KLHDC4: variants seen among roughly 807,000 people sequenced by gnomAD.
KLHDC4 encodes the protein kelch domain containing 4.
Under a neutral mutation model 62.4 loss-of-function variants are expected in KLHDC4, and 90 were observed. That is an observed-to-expected ratio of 1.44 (90% confidence interval 1.22 to 1.72). The LOEUF is 1.72. Among genes scored for constraint, KLHDC4 ranks in the 40% most tolerant of loss-of-function variants. The pLI is 0.00. For synonymous variants in KLHDC4, 386 were observed against 284.4 expected (o/e 1.36, Z -3.59); for missense variants, 1,025 against 699.7 (o/e 1.47, Z -5.25).
chr16:87,733,846 ACT>A (rs988038129), intron 5 of KLHDC4, among the ~76,000 whole-genome samples: 4 of 151,642 alleles, frequency 2.6e-5, no homozygotes, highest in African/African-American at 9.7e-5. Flanking sequence ...TTTCACACCC[ACT>A]CTCTGCCTGG....
intron 5 of KLHDC4, among the ~76,000 whole-genome samples, chr16:87,731,675 CTT>C (rs1427172207): frequency 6.6e-6 from 1 of 151,972 alleles, no homozygotes; most frequent in Non-Finnish European, 1.5e-5. Context: ...GAAACATAAA[CTT>C]AGCGCACAGC....
intron 1 of KLHDC4, chr16:87,764,942 G>C: frequency 2.8e-6 from 1 of 357,626 alleles, no homozygotes; most frequent in East Asian, 7.4e-5. Flanking sequence ...GAAGAAAAGG[G>C]ACAAAGGACT....
chr16:87,760,844 C>A (rs1207770999), intron 2 of KLHDC4, among the ~76,000 whole-genome samples: 3 of 152,016 alleles, frequency 2.0e-5, no homozygotes, highest in African/African-American at 7.2e-5. Flanking sequence ...ACCAGCCAGG[C>A]CAACATGGCA....
At chr16:87,719,427 G>T (rs2037800958) in intron 7 of KLHDC4, among the ~76,000 whole-genome samples, 1 of 152,072 alleles carries the variant, frequency 6.6e-6, no homozygotes. Flanking sequence ...ATGGATTAAG[G>T]GCGGTGCAAG....
At chr16:87,761,737 G>A (rs1035287995) in intron 2 of KLHDC4, among the ~76,000 whole-genome samples, 1 of 152,208 alleles carries the variant, frequency 6.6e-6, no homozygotes. Context: ...CCCAGAGGCA[G>A]CAGCTGTGCT....
intron 5 of KLHDC4, among the ~76,000 whole-genome samples, chr16:87,743,717 G>C (rs1442648763): frequency 6.6e-6 from 1 of 152,006 alleles, no homozygotes; most frequent in African/African-American, 2.4e-5. Context: ...TCCAGCCTGG[G>C]AGACAGAGCG....
exon 1 of KLHDC4, chr16:87,700,606 G>T: frequency 5.0e-6 from 1 of 199,644 alleles, no homozygotes; most frequent in Non-Finnish European, 1.0e-5. Context: ...AAGAGGTGGA[G>T]GGAGGAAACA....
At chr16:87,741,364 G>A (rs879945195) in intron 5 of KLHDC4, among the ~76,000 whole-genome samples, 4 of 152,210 alleles carry the variant, frequency 2.6e-5, no homozygotes, top group Admixed American at 2.0e-4. Context: ...AGGTGAGGGG[G>A]CCAGCAGGCA....
Position 87,709,490 on chromosome 16 carries a change from C to T in KLHDC4, c.1222G>A (p.Ala408Thr). ...IKQVLTAPGS[A>T]GQPRSEDEDS... ...TCGTCCTCAGACCGGGGCTGCCCCG[C>T]CGAGCCTGGCGCGGTGAGCACCTGC... The change falls in exon 10 of 12, where the codon GCG becomes ACG. Residue 408 changes from alanine to threonine, a missense_variant. By Grantham distance (58) the Ala-to-Thr change is moderately conservative. Coordinates refer to ENST00000270583, the MANE Select transcript of KLHDC4 (RefSeq NM_017566.4). 1.2e-6 allele frequency: 2 copies of T among 1,611,886 alleles called. No individual in the cohort carries two copies. The highest frequency in any genetic ancestry group is 1.3e-5 in the African/African-American group (1 of 75,052).
intron 2 of KLHDC4, 94 bp downstream of exon 2, chr16:87,761,855 C>T: frequency 1.7e-6 from 2 of 1,160,918 alleles, no homozygotes; most frequent in South Asian, 1.3e-5. Context: ...GTCCCAAGTG[C>T]CTGGTCATTT....
At chr16:87,722,694 C>T (rs371098979) in intron 7 of KLHDC4, among the ~76,000 whole-genome samples, 3 of 152,196 alleles carry the variant, frequency 2.0e-5, no homozygotes, top group African/African-American at 4.8e-5. Context: ...AAACTGGGGC[C>T]GCCCTGCTGA....
intron 7 of KLHDC4, among the ~76,000 whole-genome samples, chr16:87,719,951 A>C (rs1455684855): frequency 6.6e-6 from 1 of 152,160 alleles, no homozygotes; most frequent in Non-Finnish European, 1.5e-5. Context: ...CACCTCCCGC[A>C]CAATGTAGTA....
Position 87,760,936 on chromosome 16 carries a change from G to A in KLHDC4, c.191+1013C>T, listed in dbSNP as rs376201286. Among the ~76,000 whole-genome samples, 90 of 152,088 alleles carry A rather than the reference G, an allele frequency of 5.9e-4. 1 individual carries two copies. In the South Asian group the frequency reaches 0.018, roughly 31 times the overall value. ...TAATCCCAGCTACTTGGAAGGCTGAGGCAGGAGAATCACTTGAACCTGGGA... is the reference window on the plus strand; with the variant it reads ...TAATCCCAGCTACTTGGAAGGCTGAAGCAGGAGAATCACTTGAACCTGGGA... On this transcript the variant is annotated intron_variant, in intron 2 of 11. Transcript: ENST00000270583.
rs548457339 is a variant in KLHDC4 at position 87,715,487 on chromosome 16, G to A, written c.760-914C>T. Among the ~76,000 whole-genome samples, 45 of 152,214 alleles carry A rather than the reference G, an allele frequency of 3.0e-4. No homozygotes were observed. In the South Asian group the frequency reaches 9.1e-3, roughly 31 times the overall value. On this transcript the variant is annotated intron_variant, in intron 7 of 11. Coordinates refer to ENST00000270583, the MANE Select transcript of KLHDC4 (RefSeq NM_017566.4). ...GCAGCTCATCCTGCCCAGGGATCCC[G>A]TCGAGGGTCCCACTGGCCGTTTCGT...
In KLHDC4 at chr16:87,708,447, C is replaced by A. The variant is rs563804177; in HGVS notation, c.1467G>T (p.Glu489Asp). 1.6e-5 allele frequency: 26 copies of A among 1,607,082 alleles called. No individual in the cohort carries two copies. In the Admixed American group the frequency reaches 3.9e-4, roughly 24 times the overall value. ...CACTGTCCTCTTCCGAGTCCGTCTC[C>A]TCCAGCCACTCCTGAGTTTCTTCAA... ...EMDPETQEWL[E>D]ETDSEEDSEE... Residue 489 changes from glutamate (E) to aspartate (D), a missense_variant, in exon 11 of 12, where the codon GAG becomes GAT. Transcript: ENST00000270583.
chr16:87,705,202 A>G (rs1055564275), downstream of KLHDC4, among the ~76,000 whole-genome samples: 1 of 152,174 alleles, frequency 6.6e-6, no homozygotes, highest in African/African-American at 2.4e-5. Flanking sequence ...AGCTCCCGGG[A>G]GACAGAGGCC....
intron 5 of KLHDC4, among the ~76,000 whole-genome samples, chr16:87,738,028 T>G (rs577469385): frequency 6.6e-6 from 1 of 152,314 alleles, no homozygotes; most frequent in Admixed American, 6.5e-5. Context: ...CATGAGCTAC[T>G]GCTGTTTGCT....
At chr16:87,722,281 G>C (rs1338954722) in intron 7 of KLHDC4, among the ~76,000 whole-genome samples, 1 of 152,348 alleles carries the variant, frequency 6.6e-6, no homozygotes, top group East Asian at 1.9e-4. Flanking sequence ...CGCAGAGCCT[G>C]GAGGGTGTTT....
chr16:87,700,669 C>T (rs1443068819), exon 1 of KLHDC4: 5 of 124,824 alleles, frequency 4.0e-5, no homozygotes, highest in Admixed American at 3.0e-4. Context: ...GGGCAGAGGG[C>T]GGAGGGAGGA....
Sources: allele counts gnomAD v4.1 joint callset (sites outside exome capture counted in the v4.1 genomes callset), GRCh38; gene constraint gnomAD v4.1.1; transcripts MANE v1.5; gene names NCBI Gene and HGNC (gene_info 2026-07-23, HGNC 2026-07-21).